The following DNAH17 variants were observed in gnomAD, a reference collection of about 807,000 sequenced individuals.
DNAH17 encodes the protein axonemal beta dynein heavy chain 17.
In DNAH17, 376 loss-of-function variants were observed where a neutral mutation model predicts 485.6. The observed-to-expected ratio is 0.77, with a 90% CI of 0.71 to 0.84. DNAH17 has a LOEUF of 0.84. Ranked by LOEUF, DNAH17 falls within the 40% of genes least tolerant of loss-of-function variation. DNAH17 has a pLI of 0.00. For missense variants in DNAH17, 6,370 were observed against 5,839.3 expected (o/e 1.09, Z -2.96); for synonymous variants, 3,031 against 2,405.9 (o/e 1.26, Z -7.60).
rs369807085 is a variant in DNAH17 at position 78,526,882 on chromosome 17, C to T, written c.3622G>A (p.Glu1208Lys). 30 of 1,571,012 alleles carry T rather than the reference C, an allele frequency of 1.9e-5. No homozygotes were observed. Among genetic ancestry groups the T allele is most frequent in the Middle Eastern group, 3.3e-4 (2 of 5,974 alleles). ...SILRRKCQQF[E>K]LKQHEFRERF... ...CCACCCTGCCCCAGGTATAATACCT[C>T]GAATTGCTGGCATTTCCGCCGCAGG... Residue 1208 changes from glutamate (E) to lysine (K), a missense_variant and splice_region_variant, in exon 23 of 81, where the codon GAG (glutamate) becomes AAG (lysine). Physicochemically the swap from Glu to Lys is moderately conservative, Grantham distance 56 (BLOSUM62 1). Transcript: ENST00000389840.
intron 63 of DNAH17, 49 bp from the exon 64 acceptor site, chr17:78,454,754 C>T: frequency 6.7e-7 from 1 of 1,498,402 alleles, no homozygotes; most frequent in Non-Finnish European, 9.2e-7. Flanking sequence ...GACCTTATTA[C>T]TTACTAGAAA....
intron 68 of DNAH17, 155 bp from the exon 69 acceptor site, chr17:78,449,739 G>A (rs556779415): frequency 2.3e-5 from 17 of 724,510 alleles, no homozygotes; most frequent in East Asian, 1.7e-4. Flanking sequence ...GTGCAGTGGC[G>A]TGATCTTGGC....
At position 78,423,800 on chromosome 17, in the gene DNAH17, C is replaced by G. The variant is rs544945593; in HGVS notation, c.*106G>C. The stretch of plus-strand genomic sequence containing the variant: ...CAAAGCACCTGATTATTTAAGAGAA[C>G]GAAAAACCACCACCAGTTCCTGTAA... On this transcript the variant is annotated 3_prime_UTR_variant, in exon 81 of 81. Coordinates refer to ENST00000389840, the MANE Select transcript of DNAH17 (RefSeq NM_173628.4). 5.5e-6 allele frequency: 8 copies of G among 1,443,418 alleles called. No individual in the cohort carries two copies. In the South Asian group the frequency reaches 6.5e-5, roughly 12 times the overall value. 89.4% of individuals were successfully genotyped at this position (1,443,418 alleles called of 1,614,324 possible). A position where few individuals can be genotyped will look rare whatever the true frequency, so the allele number is the denominator to read the frequency against.
intron 14 of DNAH17, among the ~76,000 whole-genome samples, chr17:78,555,827 T>C (rs538312939): frequency 3.9e-5 from 6 of 152,268 alleles, no homozygotes; most frequent in Middle Eastern, 3.4e-3. Context: ...AGGGCCTGAA[T>C]AGCACAAAAG....
chr17:78,539,123 T>A (rs2091455337), intron 18 of DNAH17, among the ~76,000 whole-genome samples: 1 of 151,896 alleles, frequency 6.6e-6, no homozygotes, highest in African/African-American at 2.4e-5. Flanking sequence ...CCCAGCTACT[T>A]GGGAGGCTGA....
At chr17:78,555,919 G>T (rs1326405816) in intron 14 of DNAH17, among the ~76,000 whole-genome samples, 2 of 152,178 alleles carry the variant, frequency 1.3e-5, no homozygotes, top group African/African-American at 4.8e-5. Flanking sequence ...CTTTGGACTG[G>T]GATTTACACC....
In DNAH17 at chr17:78,428,651, G is replaced by C; in HGVS notation, c.12462C>G (p.Gly4154=). The C allele has an allele frequency of 6.2e-7, 1 of 1,613,990 alleles. No homozygotes were observed. The highest frequency in any genetic ancestry group is 8.5e-7 in the Non-Finnish European group (1 of 1,179,902). The change falls in exon 77 of 81, where the codon GGC becomes GGG. Residue 4154 remains glycine (G), a synonymous_variant. Transcript: ENST00000389840. Reference sequence around the variant, plus strand: ...AGCCAATCTCTGCGTTGGGGTGCAGGCCATACAGATAGGGACTCTCAGGGG... The same window carrying C: ...AGCCAATCTCTGCGTTGGGGTGCAGCCCATACAGATAGGGACTCTCAGGGG... ...NLPPESPYLY[G]LHPNAEIGFL... is the part of the protein sequence containing the mutation.
chr17:78,472,539 T>C (rs1252745537), intron 54 of DNAH17: 1 of 284,278 alleles, frequency 3.5e-6, no homozygotes, highest in Non-Finnish European at 7.0e-6. Flanking sequence ...GCTTTCTTCA[T>C]GGGGCAGCCC....
At position 78,530,388 on chromosome 17, in the gene DNAH17, C is replaced by G. The variant is rs1427107277; in HGVS notation, c.3239G>C (p.Trp1080Ser). 6.2e-7 allele frequency: 1 copy of G among 1,612,956 alleles called. No individual in the cohort carries two copies. Among genetic ancestry groups the G allele is most frequent in the Admixed American group, 1.7e-5 (1 of 59,992 alleles). The change falls in exon 21 of 81, where the codon TGG (tryptophan) becomes TCG (serine). Residue 1080 changes from tryptophan (W) to serine (S), a missense_variant. Transcript: ENST00000389840. ...CAGGTGCCGCTTGAACATGAAGCCCCAGCGCCGGATTGTGCTGAGCAGGGC... is the reference window on the plus strand; with the variant it reads ...CAGGTGCCGCTTGAACATGAAGCCCGAGCGCCGGATTGTGCTGAGCAGGGC... ...KQALLSTIRR[W>S]GFMFKRHLSN...
intron 74 of DNAH17, 39 bp downstream of exon 74, chr17:78,437,602 C>A: frequency 6.6e-7 from 1 of 1,525,938 alleles, no homozygotes; most frequent in Admixed American, 1.9e-5. Context: ...CAGGCCGTGG[C>A]ATGGGATGGG....
intron 36 of DNAH17, 66 bp from the exon 37 acceptor site, chr17:78,499,178 G>T: frequency 9.2e-7 from 1 of 1,090,478 alleles, no homozygotes; most frequent in South Asian, 1.7e-5. Flanking sequence ...CGCTGCAGGG[G>T]CCTCCCCCTG....
At chr17:78,467,735 G>C (rs775990405) in intron 55 of DNAH17, among the ~76,000 whole-genome samples, 1 of 152,158 alleles carries the variant, frequency 6.6e-6, no homozygotes, top group African/African-American at 2.4e-5. Context: ...GCTTACCCTA[G>C]AGGTGATGTC....
chr17:78,543,947 G>A lies in DNAH17; in HGVS notation c.2442C>T (p.Ala814=), dbSNP rs1459786364. ...CAATTCTTCCATCCAAGTCTAACAG[G>A]GCCTCTTTCTTATTGTCCTTTCTTT... ...LFERKDNKKE[A]LLDLDGRIAN... Residue 814 remains alanine (A), a synonymous_variant, in exon 17 of 81, where the codon GCC becomes GCT. Transcript: ENST00000389840. The A allele has an allele frequency of 1.9e-6, 3 of 1,613,922 alleles. No individual in the cohort carries two copies. Among genetic ancestry groups the A allele is most frequent in the East Asian group, 4.5e-5 (2 of 44,906 alleles).
intron 19 of DNAH17, among the ~76,000 whole-genome samples, chr17:78,536,586 C>A (rs1013320884): frequency 6.6e-6 from 1 of 152,038 alleles, no homozygotes; most frequent in East Asian, 1.9e-4. Flanking sequence ...GAGACTGAGG[C>A]GGGAGGATCA....
chr17:78,426,613 C>G lies in DNAH17; in HGVS notation c.12772-13G>C, dbSNP rs190079756. ...TGGTCAGTTCTCCCTAGGAGACACA[C>G]AGATGGGTGTGGGGAGCCCTGAGCT... is the stretch of plus-strand genomic sequence containing the variant. On this transcript the variant is annotated splice_polypyrimidine_tract_variant and intron_variant, in intron 78 of 80. Transcript: ENST00000389840. 4.4e-6 allele frequency: 7 copies of G among 1,593,570 alleles called. No homozygotes were observed. The Admixed American group carries it at 1.0e-4, about 24-fold the overall frequency.
Position 78,560,948 on chromosome 17 carries a change from C to T in DNAH17, c.1836-13G>A, listed in dbSNP as rs866816026. The T allele has an allele frequency of 2.7e-5, 41 of 1,543,488 alleles. No individual in the cohort carries two copies. In the Middle Eastern group the frequency reaches 5.0e-4, roughly 19 times the overall value. ...TCCAGACATGACCCTGGAATCAGAG[C>T]GGGAAGGCGAGGCCCCACTGGATAT... On this transcript the variant is annotated splice_polypyrimidine_tract_variant and intron_variant, in intron 12 of 80. Transcript: ENST00000389840.
rs2088211649 is a variant in DNAH17 at position 78,462,922 on chromosome 17, G to A, written c.9096C>T (p.Ala3032=). The part of the protein sequence containing the change: ...EQIKLYQNLL[A]KKRTELVAKI... ...TGGCAACAAGTTCCGTTCTCTTCTT[G>A]GCCAGCAGGTTCTGGTACAGTTTGA... is the stretch of plus-strand genomic sequence containing the variant. Residue 3032 remains alanine (A), a synonymous_variant, in exon 57 of 81, where the codon GCC becomes GCT. Coordinates refer to ENST00000389840, the MANE Select transcript of DNAH17 (RefSeq NM_173628.4). 3.1e-6 allele frequency: 5 copies of A among 1,613,970 alleles called. No individual in the cohort carries two copies. In the African/African-American group the frequency reaches 4.0e-5, roughly 13 times the overall value.
chr17:78,540,042 C>T (rs576761362), intron 17 of DNAH17, among the ~76,000 whole-genome samples, 162 bp from the exon 18 acceptor site: 2 of 152,160 alleles, frequency 1.3e-5, no homozygotes, highest in African/African-American at 2.4e-5. Flanking sequence ...CTACTCGAGG[C>T]TTTGCACGGC....
At position 78,494,937 on chromosome 17, in the gene DNAH17, G is replaced by A. The variant is rs201437201; in HGVS notation, c.6042+22C>T. 5.7e-4 allele frequency: 918 copies of A among 1,601,058 alleles called. 9 individuals are homozygous for A. The highest frequency in any genetic ancestry group is 5.0e-4 in the Middle Eastern group (3 of 6,054). ...TCTCAAACTCCCACCCACACCCGCC[G>A]TGAGCTCCAGGACACACACACCTGC... On this transcript the variant is annotated intron_variant, in intron 39 of 80. Coordinates refer to ENST00000389840, the MANE Select transcript of DNAH17 (RefSeq NM_173628.4).
Sources: gnomAD v4.1 joint callset for allele counts (sites outside exome capture counted in the v4.1 genomes callset) on GRCh38, gnomAD v4.1.1 for gene constraint, MANE v1.5 for transcripts, NCBI Gene and HGNC (gene_info 2026-07-23, HGNC 2026-07-21) for gene names.